Variants in AOPEP observed in about 807,000 individuals in gnomAD.
AOPEP encodes aminopeptidase O (putative), also known as aminopeptidase O.
AOPEP carries 77 observed loss-of-function variants against 98.1 expected under a neutral mutation model. That is an observed-to-expected ratio of 0.78 (90% CI 0.65 to 0.95). AOPEP has a LOEUF of 0.95. AOPEP is among the 40% of genes least tolerant of loss of function. The pLI is 0.00. For synonymous variants in AOPEP, 346 were observed against 365.3 expected (o/e 0.95, Z 0.60); for missense variants, 1,024 against 1,024.7 (o/e 1.00, Z 0.01).
At chr9:95,085,407 C>G (rs1471161895) in intron 16 of AOPEP, 1 of 520,404 alleles carries the variant, frequency 1.9e-6, no homozygotes, top group Admixed American at 2.0e-5. Context: ...GAGGAAGATG[C>G]TCACCGGTCA....
At chr9:94,778,714 T>C (rs543875477) in intron 3 of AOPEP, among the ~76,000 whole-genome samples, 1 of 152,218 alleles carries the variant, frequency 6.6e-6, no homozygotes, top group Admixed American at 6.5e-5. Context: ...TGAAATCTCA[T>C]TGAACAACAC....
At chr9:94,838,113 A>G (rs2041845342) in intron 5 of AOPEP, among the ~76,000 whole-genome samples, 2 of 151,814 alleles carry the variant, frequency 1.3e-5, no homozygotes, top group Admixed American at 1.3e-4. Context: ...GGTTCACGCC[A>G]TTCTCCTGCC....
At chr9:94,925,164 G>C (rs1472316847) in intron 6 of AOPEP, among the ~76,000 whole-genome samples, 1 of 152,168 alleles carries the variant, frequency 6.6e-6, no homozygotes, top group Non-Finnish European at 1.5e-5. Flanking sequence ...GCTAATTTTT[G>C]TATTTTTAGT....
the AOPEP span, among the ~76,000 whole-genome samples, chr9:95,108,715 T>C: frequency 2.6e-5 from 4 of 152,240 alleles, no homozygotes; most frequent in Non-Finnish European, 4.4e-5. Flanking sequence ...AGAAGAACCA[T>C]TAAAATGATC....
the AOPEP span, among the ~76,000 whole-genome samples, chr9:95,129,584 A>T: frequency 6.6e-6 from 1 of 152,152 alleles, no homozygotes; most frequent in Non-Finnish European, 1.5e-5. Flanking sequence ...TTTTCTATAA[A>T]AGCGGGGAAA....
At chr9:94,935,062 G>C (rs2056043881) in intron 7 of AOPEP, 1 of 152,262 alleles carries the variant, frequency 6.6e-6, no homozygotes, top group Non-Finnish European at 1.5e-5. Context: ...GGTGGGGCCT[G>C]GCGGGAGGTG....
chr9:94,856,444 C>A (rs2044222520), intron 5 of AOPEP, among the ~76,000 whole-genome samples: 1 of 151,946 alleles, frequency 6.6e-6, no homozygotes, highest in South Asian at 2.1e-4. Flanking sequence ...TAGTTTGAGA[C>A]CAGCCTGACC....
intron 5 of AOPEP, among the ~76,000 whole-genome samples, chr9:94,808,921 A>C (rs1849855988): frequency 6.6e-6 from 1 of 152,190 alleles, no homozygotes; most frequent in South Asian, 2.1e-4. Flanking sequence ...GGACCTAAGG[A>C]TGGTGCTTTT....
chr9:94,833,235 C>CTTTTTT (rs34212567), intron 5 of AOPEP, among the ~76,000 whole-genome samples: 17 of 70,302 alleles, frequency 2.4e-4, no homozygotes, highest in African/African-American at 4.0e-4. Context: ...CACACCCGTC[C>CTTTTTT]TTTTTTTTTT....
At chr9:94,817,467 T>C (rs935515456) in intron 5 of AOPEP, among the ~76,000 whole-genome samples, 5 of 152,204 alleles carry the variant, frequency 3.3e-5, no homozygotes, top group African/African-American at 1.2e-4. Context: ...TCCATGGCCA[T>C]GCCTGAGAGA....
chr9:94,897,293 A>G (rs2049717361), intron 5 of AOPEP, among the ~76,000 whole-genome samples: 1 of 152,190 alleles, frequency 6.6e-6, no homozygotes, highest in Non-Finnish European at 1.5e-5. Context: ...AGATTTTTTT[A>G]TATGATGAAA....
chr9:95,130,011 G>A, the AOPEP span, among the ~76,000 whole-genome samples: 2 of 152,110 alleles, frequency 1.3e-5, no homozygotes, highest in Non-Finnish European at 2.9e-5. Context: ...CACAAGGGAA[G>A]ACAAAGTCAA....
chr9:95,023,635 C>A (rs1335512121), intron 13 of AOPEP, among the ~76,000 whole-genome samples: 2 of 152,170 alleles, frequency 1.3e-5, no homozygotes, highest in Non-Finnish European at 2.9e-5. Context: ...TGCTGGTGTC[C>A]TGAGCAACTG....
At chr9:95,090,710 G>T (rs905452195), downstream of AOPEP, among the ~76,000 whole-genome samples, 3 of 152,324 alleles carry the variant, frequency 2.0e-5, no homozygotes, top group East Asian at 5.8e-4. Context: ...ACAGCCAGGG[G>T]TATAAGGGCA....
At chr9:94,975,671 C>T (rs1273922368) in intron 10 of AOPEP, among the ~76,000 whole-genome samples, 3 of 152,226 alleles carry the variant, frequency 2.0e-5, no homozygotes, top group Non-Finnish European at 2.9e-5. Flanking sequence ...CCATGTGGGC[C>T]GCTCTCGTTG....
At chr9:94,763,510 A>G (rs1168029236) in intron 2 of AOPEP, 1 of 156,930 alleles carries the variant, frequency 6.4e-6, no homozygotes, top group Admixed American at 6.4e-5. Flanking sequence ...TTGTGTATAC[A>G]CACACTGTAT....
chr9:94,732,048 G>A (rs1312779238), intron 1 of AOPEP, among the ~76,000 whole-genome samples: 1 of 152,010 alleles, frequency 6.6e-6, no homozygotes, highest in African/African-American at 2.4e-5. Flanking sequence ...GCCTCCCAAA[G>A]TGCTAGGATT....
At chr9:95,065,866 A>G (rs2067835823) in intron 14 of AOPEP, among the ~76,000 whole-genome samples, 1 of 152,202 alleles carries the variant, frequency 6.6e-6, no homozygotes, top group African/African-American at 2.4e-5. Flanking sequence ...GTTACAGATC[A>G]AGAGGCCAGA....
At chr9:94,744,357 C>T (rs1833952535) in intron 1 of AOPEP, among the ~76,000 whole-genome samples, 1 of 151,954 alleles carries the variant, frequency 6.6e-6, no homozygotes, top group Middle Eastern at 3.2e-3. Context: ...CGTGCCACTG[C>T]ACTCCAGCCT....
Sources: allele counts gnomAD v4.1 joint callset (sites outside exome capture counted in the v4.1 genomes callset), GRCh38; gene constraint gnomAD v4.1.1; transcripts MANE v1.5; gene names NCBI Gene and HGNC (gene_info 2026-07-23, HGNC 2026-07-21).